ANXA2: variants seen among roughly 807,000 people sequenced by gnomAD.
ANXA2 encodes annexin A2, also known as annexin II.
Under a neutral mutation model 47.3 loss-of-function variants are expected in ANXA2, and 28 were observed. The observed-to-expected ratio is 0.59, with a 90% confidence interval of 0.44 to 0.81. ANXA2 has a LOEUF of 0.81. ANXA2 is among the 40% of genes least tolerant of loss of function. The pLI is 0.00. For missense variants in ANXA2, 384 were observed against 414.3 expected, an observed-to-expected ratio of 0.93 and a Z score of 0.64; for synonymous variants, 172 against 155.5, an observed-to-expected ratio of 1.11 and a Z score of -0.79.
intron 1 of ANXA2, chr15:60,390,172 A>AT (rs1425757135): frequency 1.4e-6 from 1 of 705,226 alleles, no homozygotes; most frequent in Non-Finnish European, 1.8e-6. Context: ...GAAAAAAAAA[A>AT]CAAAACACAA....
At chr15:60,394,429 T>G (rs1240542739) in intron 1 of ANXA2, 1 of 152,324 alleles carries the variant, frequency 6.6e-6, no homozygotes, top group Non-Finnish European at 1.5e-5. Flanking sequence ...CCAGGCATAG[T>G]GGCTCACGCC....
chr15:60,354,491 G>A (rs547982548), intron 7 of ANXA2, among the ~76,000 whole-genome samples: 4 of 151,968 alleles, frequency 2.6e-5, no homozygotes, highest in African/African-American at 4.8e-5. Flanking sequence ...TTAGCCAGGC[G>A]TGGTGGCACA....
At chr15:60,363,342 C>T (rs932292253) in intron 4 of ANXA2, among the ~76,000 whole-genome samples, 6 of 152,154 alleles carry the variant, frequency 3.9e-5, no homozygotes, top group Non-Finnish European at 7.4e-5. Flanking sequence ...TCCTTTCCAA[C>T]CATTTAGAGT....
At chr15:60,372,038 A>G (rs2062717627) in intron 3 of ANXA2, among the ~76,000 whole-genome samples, 1 of 152,080 alleles carries the variant, frequency 6.6e-6, no homozygotes, top group Non-Finnish European at 1.5e-5. Context: ...AATCCCAGCT[A>G]CTCGGGAGGC....
At chr15:60,378,097 G>A (rs551584528) in intron 3 of ANXA2, among the ~76,000 whole-genome samples, 25 of 151,612 alleles carry the variant, frequency 1.6e-4, no homozygotes, top group African/African-American at 5.3e-4. Context: ...GTGAGACTCC[G>A]CCTCAAAAAG....
At chr15:60,364,265 C>T (rs1433741910) in intron 4 of ANXA2, among the ~76,000 whole-genome samples, 164 bp downstream of exon 4, 2 of 152,242 alleles carry the variant, frequency 1.3e-5, no homozygotes, top group African/African-American at 4.8e-5. Context: ...CGCACACACA[C>T]ATGTGCAGTG....
chr15:60,375,069 C>T (rs1005924627), intron 3 of ANXA2, among the ~76,000 whole-genome samples: 41 of 152,272 alleles, frequency 2.7e-4, no homozygotes, highest in Middle Eastern at 3.4e-3. Context: ...ATATACCTGG[C>T]GTGCAGGTGA....
intron 1 of ANXA2, chr15:60,390,288 C>T: frequency 9.5e-7 from 1 of 1,048,730 alleles, no homozygotes; most frequent in Non-Finnish European, 1.2e-6. Flanking sequence ...TTTCCTACTT[C>T]ATGTGAGTTT....
chr15:60,394,907 T>A (rs2063061309), intron 1 of ANXA2, among the ~76,000 whole-genome samples: 1 of 152,116 alleles, frequency 6.6e-6, no homozygotes, highest in Admixed American at 6.5e-5. Flanking sequence ...TGGAAAGAAT[T>A]TTTTTGAAGG....
rs771143187 is a variant in ANXA2, at chr15:60,354,229, A to C, written c.529-16T>G. ...CTCTTCTACCCTATGGGGGAAAGAAAAAGAACTTCAAATACATTTCTTTGT... is the reference window on the plus strand; with the variant it reads ...CTCTTCTACCCTATGGGGGAAAGAACAAGAACTTCAAATACATTTCTTTGT... On this transcript the variant is annotated splice_polypyrimidine_tract_variant and intron_variant, in intron 7 of 12. Transcript: ENST00000451270. 6.3e-6 allele frequency: 10 copies of C among 1,592,072 alleles called. No homozygotes were observed. The highest frequency in any genetic ancestry group is 8.6e-6 in the Non-Finnish European group (10 of 1,165,440).
chr15:60,370,738 T>TC (rs1202807339), intron 3 of ANXA2, among the ~76,000 whole-genome samples: 1 of 152,224 alleles, frequency 6.6e-6, no homozygotes, highest in Non-Finnish European at 1.5e-5. Flanking sequence ...GAGATGGGGC[T>TC]CTGCCTCCCT....
chr15:60,357,643 A>C (rs1396840207), intron 5 of ANXA2, among the ~76,000 whole-genome samples: 2 of 152,154 alleles, frequency 1.3e-5, no homozygotes, highest in African/African-American at 4.8e-5. Flanking sequence ...AATACAAAAA[A>C]TTAGCTGGGC....
chr15:60,397,288 G>A, intron 1 of ANXA2: 1 of 985,490 alleles, frequency 1.0e-6, no homozygotes, highest in Non-Finnish European at 1.2e-6. Context: ...CAACCAAGCG[G>A]GAAACTCTCC....
At chr15:60,361,915 T>G (rs1216139138) in intron 4 of ANXA2, among the ~76,000 whole-genome samples, 1 of 152,064 alleles carries the variant, frequency 6.6e-6, no homozygotes, top group Non-Finnish European at 1.5e-5. Context: ...GCTTTTTTTT[T>G]TTTCTTCTCT....
At chr15:60,368,720 T>A (rs952989187) in intron 3 of ANXA2, among the ~76,000 whole-genome samples, 1 of 152,240 alleles carries the variant, frequency 6.6e-6, no homozygotes, top group Non-Finnish European at 1.5e-5. Flanking sequence ...TTCTTTTGAT[T>A]ATCTGTACTT....
intron 5 of ANXA2, 148 bp from the exon 6 acceptor site, chr15:60,357,384 A>T (rs2062447837): frequency 4.9e-6 from 3 of 614,914 alleles, no homozygotes; most frequent in Middle Eastern, 2.7e-4. Flanking sequence ...CTATACTCCT[A>T]CCCCTTAGCA....
At chr15:60,376,683 T>C (rs2062784058) in intron 3 of ANXA2, among the ~76,000 whole-genome samples, 1 of 152,162 alleles carries the variant, frequency 6.6e-6, no homozygotes, top group Non-Finnish European at 1.5e-5. Context: ...CAGGTGTGAC[T>C]GACAGTTCGT....
intron 12 of ANXA2, 141 bp downstream of exon 12, chr15:60,348,934 T>C (rs973067054): frequency 5.6e-6 from 5 of 892,854 alleles, no homozygotes; most frequent in Non-Finnish European, 6.8e-6. Flanking sequence ...AATAAATCCC[T>C]GATAGTTGAT....
At chr15:60,388,811 A>G (rs943397304) in intron 1 of ANXA2, among the ~76,000 whole-genome samples, 5 of 148,502 alleles carry the variant, frequency 3.4e-5, no homozygotes, top group Non-Finnish European at 7.4e-5. Context: ...GTGCAATCAT[A>G]GCTCACTGCA....
Sources: allele counts gnomAD v4.1 joint callset (sites outside exome capture counted in the v4.1 genomes callset), GRCh38; gene constraint gnomAD v4.1.1; transcripts MANE v1.5; gene names NCBI Gene and HGNC (gene_info 2026-07-23, HGNC 2026-07-21).